Variants in CHRM3 observed in about 807,000 individuals in gnomAD.
CHRM3 encodes muscarinic acetylcholine receptor M3.
In CHRM3, 11 loss-of-function variants were observed where a neutral mutation model predicts 41.8. The ratio of observed to expected loss-of-function variants is 0.26; its 90% CI spans 0.17 to 0.44. The LOEUF (loss-of-function observed/expected upper bound fraction) is 0.44, where lower values mean the gene tolerates loss of function less well. Among genes scored for constraint, CHRM3 ranks in the 20% least tolerant of loss-of-function variants. The pLI, the probability that CHRM3 is intolerant of heterozygous loss-of-function variation, is 1.00. For synonymous variants in CHRM3, 297 were observed against 301.4 expected (o/e 0.99, Z 0.15); for missense variants, 571 against 745.4 (o/e 0.77, Z 2.72).
chr1:239,684,432 G>A (rs1347694583), intron 5 of CHRM3, among the ~76,000 whole-genome samples: 5 of 152,020 alleles, frequency 3.3e-5, no homozygotes, highest in Admixed American at 6.6e-5. Flanking sequence ...AGTGGCTCAC[G>A]CCTGTAATCT....
At chr1:239,900,772 A>G (rs1175332118) in intron 6 of CHRM3, among the ~76,000 whole-genome samples, 1 of 152,202 alleles carries the variant, frequency 6.6e-6, no homozygotes, top group African/African-American at 2.4e-5. Context: ...CCACAACCCA[A>G]GTAGAACTAG....
At chr1:239,710,762 G>A (rs1661694295) in intron 5 of CHRM3, among the ~76,000 whole-genome samples, 1 of 151,686 alleles carries the variant, frequency 6.6e-6, no homozygotes, top group Non-Finnish European at 1.5e-5. Flanking sequence ...AAGAAAATAA[G>A]TATAGGCTTT....
rs556749462 is a variant in CHRM3 at position 239,691,713 on chromosome 1, C to A, written c.-147+13425C>A. ...CTCTAAATGTTTTATGTGTTATTAA[C>A]CTTTTTTTCCTCAGTCGTGCTAATG... On this transcript the variant is annotated intron_variant, in intron 5 of 6. Coordinates refer to ENST00000676153, the MANE Select transcript of CHRM3 (RefSeq NM_001375978.1). Among the ~76,000 whole-genome samples the A allele has an allele frequency of 3.9e-5, 6 of 152,222 alleles. No individual in the cohort carries two copies. In the East Asian group the frequency reaches 9.7e-4, roughly 25 times the overall value.
chr1:239,788,388 C>A (rs1669078796), intron 5 of CHRM3, among the ~76,000 whole-genome samples: 1 of 152,096 alleles, frequency 6.6e-6, no homozygotes. Flanking sequence ...GATTTTCATA[C>A]CATTTCATAT....
chr1:239,865,008 C>T (rs1026837144), intron 6 of CHRM3, among the ~76,000 whole-genome samples: 4 of 152,162 alleles, frequency 2.6e-5, no homozygotes, highest in African/African-American at 9.7e-5. Flanking sequence ...GAGTTATGAG[C>T]ATTACATGTG....
At chr1:239,408,502 C>A (rs1271594184) in intron 1 of CHRM3, among the ~76,000 whole-genome samples, 2 of 120,210 alleles carry the variant, frequency 1.7e-5, no homozygotes, top group Admixed American at 1.1e-4. Context: ...CCAGCCTGGG[C>A]AACAGAGAGA....
chr1:239,813,934 A>AAAAAAAC (rs57948520), intron 5 of CHRM3, among the ~76,000 whole-genome samples: 1 of 125,822 alleles, frequency 7.9e-6, no homozygotes, highest in Admixed American at 8.4e-5. Flanking sequence ...AAAAAAAAAA[A>AAAAAAAC]CTCACAGTTG....
In CHRM3 at chr1:239,642,645, G is replaced by T. The variant is rs954331951; in HGVS notation, c.-250+10359G>T. Reference sequence around the variant, plus strand: ...CTCCTTTAAGCACTTCTCTGTATTGGTTATTCTAGTTATACATTCTTCTAA... The same window carrying T: ...CTCCTTTAAGCACTTCTCTGTATTGTTTATTCTAGTTATACATTCTTCTAA... On this transcript the variant is annotated intron_variant, in intron 4 of 6. Coordinates refer to ENST00000676153, the MANE Select transcript of CHRM3 (RefSeq NM_001375978.1). Among the ~76,000 whole-genome samples the T allele has an allele frequency of 6.6e-5, 10 of 152,124 alleles. No homozygotes were observed. The East Asian group carries it at 1.6e-3, about 24-fold the overall frequency.
intron 6 of CHRM3, among the ~76,000 whole-genome samples, chr1:239,899,486 TCA>T (rs199894664): frequency 0.048 from 5,993 of 125,620 alleles, 408 homozygotes; most frequent in African/African-American, 0.18. Context: ...GTATATATAC[TCA>T]CACACATGTA....
intron 3 of CHRM3, among the ~76,000 whole-genome samples, chr1:239,609,541 A>C (rs556395387): frequency 6.6e-6 from 1 of 152,312 alleles, no homozygotes; most frequent in Non-Finnish European, 1.5e-5. Context: ...TATGGTAGGT[A>C]TATGTTTAAA....
intron 1 of CHRM3, among the ~76,000 whole-genome samples, chr1:239,463,997 C>A (rs1271017782): frequency 1.3e-5 from 2 of 152,112 alleles, no homozygotes; most frequent in Non-Finnish European, 2.9e-5. Flanking sequence ...CAGTTCTCGG[C>A]CAGGCATGGT....
At chr1:239,502,988 G>A (rs1558271961) in intron 2 of CHRM3, among the ~76,000 whole-genome samples, 1 of 152,102 alleles carries the variant, frequency 6.6e-6, no homozygotes, top group South Asian at 2.1e-4. Context: ...CATTCCCTCT[G>A]AAAACTGGAA....
In CHRM3 at chr1:239,911,288, G is replaced by T. The variant is rs866101689; in HGVS notation, c.*2064G>T. On this transcript the variant is annotated 3_prime_UTR_variant, in exon 7 of 7. Coordinates refer to ENST00000676153, the MANE Select transcript of CHRM3 (RefSeq NM_001375978.1). The stretch of plus-strand genomic sequence containing the variant: ...AAACAATCAGCATAATTGTAAGAAT[G>T]ATTTTTTTGGGCCCACATTCAACCA... 1.2e-5 allele frequency: 2 copies of T among 166,642 alleles called. No individual in the cohort carries two copies. The highest frequency in any genetic ancestry group is 6.6e-5 in the Admixed American group (1 of 15,212). 10.3% of individuals were successfully genotyped at this position (166,642 alleles called of 1,614,324 possible).
chr1:239,466,320 G>A (rs1665729332), intron 1 of CHRM3, among the ~76,000 whole-genome samples: 1 of 152,022 alleles, frequency 6.6e-6, no homozygotes. Context: ...AATAGAAAAT[G>A]TCTGTACTTT....
intron 6 of CHRM3, among the ~76,000 whole-genome samples, chr1:239,858,753 C>T (rs1675331167): frequency 6.6e-6 from 1 of 152,152 alleles, no homozygotes; most frequent in Non-Finnish European, 1.5e-5. Flanking sequence ...TAAGCAGTGA[C>T]TCCCCATTTG....
intron 6 of CHRM3, among the ~76,000 whole-genome samples, chr1:239,881,150 G>A (rs1374468737): frequency 6.6e-6 from 1 of 151,736 alleles, no homozygotes; most frequent in Non-Finnish European, 1.5e-5. Context: ...GGGCGTGGTG[G>A]TGGGCGCCTG....
chr1:239,834,885 A>G (rs1673187961), intron 6 of CHRM3, among the ~76,000 whole-genome samples: 1 of 152,210 alleles, frequency 6.6e-6, no homozygotes, highest in South Asian at 2.1e-4. Context: ...TTTTCTTAGG[A>G]AAATGTTTTT....
intron 1 of CHRM3, among the ~76,000 whole-genome samples, chr1:239,393,828 C>T (rs1182579311): frequency 1.3e-5 from 2 of 152,064 alleles, no homozygotes; most frequent in African/African-American, 2.4e-5. Flanking sequence ...TTGATTCTCT[C>T]CAAAGAAGTT....
intron 4 of CHRM3, among the ~76,000 whole-genome samples, chr1:239,638,461 G>A (rs1428506785): frequency 6.6e-6 from 1 of 152,130 alleles, no homozygotes; most frequent in Non-Finnish European, 1.5e-5. Context: ...CATTCTAACT[G>A]GTGTGAGATG....
Sources: allele counts gnomAD v4.1 joint callset (sites outside exome capture counted in the v4.1 genomes callset), GRCh38; gene constraint gnomAD v4.1.1; transcripts MANE v1.5; gene names NCBI Gene and HGNC (gene_info 2026-07-23, HGNC 2026-07-21).